SULT6B1: variants seen among roughly 807,000 people sequenced by gnomAD.
The protein encoded by SULT6B1 is sulfotransferase family 6B member 1, also known as sulfotransferase 6B1.
In SULT6B1, 44 loss-of-function variants were observed where a neutral mutation model predicts 37.2. The ratio of observed to expected loss-of-function variants is 1.18; its 90% CI spans 0.93 to 1.52. The LOEUF is 1.52. SULT6B1 is among the 40% of genes most tolerant of loss of function. The pLI, the probability that SULT6B1 is intolerant of heterozygous loss-of-function variation, is 0.00. For synonymous variants in SULT6B1, 140 were observed against 126.0 expected (o/e 1.11, Z -0.74); for missense variants, 450 against 361.0 (o/e 1.25, Z -2.00).
At chr2:37,180,690 C>T (rs1440334574) in intron 3 of SULT6B1, among the ~76,000 whole-genome samples, 1 of 152,142 alleles carries the variant, frequency 6.6e-6, no homozygotes, top group Non-Finnish European at 1.5e-5. Context: ...TCGAGACCAG[C>T]CTGGCCAACA....
At chr2:37,184,945 C>A (rs1315181815) in intron 2 of SULT6B1, among the ~76,000 whole-genome samples, 2 of 152,132 alleles carry the variant, frequency 1.3e-5, no homozygotes, top group Non-Finnish European at 2.9e-5. Flanking sequence ...CAAGCGGTGA[C>A]TAGCAGTGTA....
At chr2:37,169,714 T>G (rs1231285944) in intron 6 of SULT6B1, among the ~76,000 whole-genome samples, 2 of 152,152 alleles carry the variant, frequency 1.3e-5, no homozygotes, top group Non-Finnish European at 2.9e-5. Context: ...AGGCTGGTCT[T>G]GAACTCCTGA....
chr2:37,178,476 T>G (rs1470381900), intron 4 of SULT6B1, among the ~76,000 whole-genome samples: 8 of 152,148 alleles, frequency 5.3e-5, no homozygotes, highest in Admixed American at 5.2e-4. Context: ...CCTCGAGTCA[T>G]CCGCCCGCCT....
chr2:37,173,339 C>G (rs1380901525), intron 5 of SULT6B1, among the ~76,000 whole-genome samples: 2 of 152,132 alleles, frequency 1.3e-5, no homozygotes, highest in Non-Finnish European at 2.9e-5. Flanking sequence ...TCCCCAAACT[C>G]TTTAAATTGG....
At chr2:37,174,671 G>A (rs957796229) in intron 5 of SULT6B1, among the ~76,000 whole-genome samples, 14 of 151,754 alleles carry the variant, frequency 9.2e-5, no homozygotes, top group Admixed American at 5.9e-4. Context: ...TCTCCAACTG[G>A]CATGTAAGTT....
At chr2:37,168,303 C>A (rs1379024185) in intron 6 of SULT6B1, among the ~76,000 whole-genome samples, 2 of 151,974 alleles carry the variant, frequency 1.3e-5, no homozygotes, top group Admixed American at 6.6e-5. Context: ...CTGGGATTAC[C>A]GGCGCCCGCC....
Position 37,187,313 on chromosome 2 carries a change from C to T in SULT6B1, c.312+42G>A, listed in dbSNP as rs1558452053. 2.3e-6 allele frequency: 3 copies of T among 1,287,804 alleles called. No individual in the cohort carries two copies. In the Admixed American group the frequency reaches 5.9e-5, roughly 25 times the overall value. 79.8% of individuals were successfully genotyped at this position (1,287,804 alleles called of 1,614,324 possible). On this transcript the variant is annotated intron_variant, in intron 2 of 6. Transcript: ENST00000535679. ...AATCTCCAAACCGGAAGAAATCTTTCTATGATAATTTGCTGTAAGGTTAAA... is the reference window on the plus strand; with the variant it reads ...AATCTCCAAACCGGAAGAAATCTTTTTATGATAATTTGCTGTAAGGTTAAA...
rs1558455825 is a variant in SULT6B1 at position 37,194,906 on chromosome 2, TTCCTTCCTTCCTTCC to T, written c.-22+1595_-22+1609del. Among the ~76,000 whole-genome samples, 122 of 25,654 alleles carry T rather than the reference TTCCTTCCTTCCTTCC, an allele frequency of 4.8e-3. 2 individuals are homozygous for T. Among genetic ancestry groups the T allele is most frequent in the African/African-American group, 0.021 (116 of 5,494 alleles). 16.8% of individuals were successfully genotyped at this position (25,654 alleles called of 152,430 possible). A position where few individuals can be genotyped will look rare whatever the true frequency, so the allele number is the denominator to read the frequency against. ...CTTCCTTCCTTCCTTCTTTCCTTCC[TTCCTTCCTTCCTTCC>T]TTCCTTCCTTCCTTCCTTCCTTCCT... is the stretch of plus-strand genomic sequence containing the variant. On this transcript the variant is annotated intron_variant, in intron 1 of 7. Transcript: ENST00000407963.
intron 6 of SULT6B1, 27 bp from the exon 7 acceptor site, chr2:37,168,092 C>G (rs763527657): frequency 3.2e-6 from 5 of 1,548,792 alleles, no homozygotes; most frequent in Non-Finnish European, 3.5e-6. Context: ...ACAGTAGACC[C>G]AGATATCTGT....
chr2:37,169,072 C>G (rs1396086743), intron 6 of SULT6B1, among the ~76,000 whole-genome samples: 3 of 152,204 alleles, frequency 2.0e-5, no homozygotes, highest in Admixed American at 6.5e-5. Context: ...AATTTTAATA[C>G]TTTTTCACAT....
chr2:37,191,318 A>C (rs568723086), upstream of SULT6B1: 3 of 151,336 alleles, frequency 2.0e-5, no homozygotes, highest in African/African-American at 7.3e-5. Flanking sequence ...TAGGACCACA[A>C]GGGCAATAAA....
Position 37,177,447 on chromosome 2 carries a change from A to G in SULT6B1, c.529+2011T>C, listed in dbSNP as rs568459206. On this transcript the variant is annotated intron_variant, in intron 4 of 6. Transcript: ENST00000535679. ...AAAAAAAAAAAAGAAAGAAAGAAAA[A>G]AAAGAGAAGAATACAGCATGTTTTC... Among the ~76,000 whole-genome samples, 3 of 136,780 alleles carry G rather than the reference A, an allele frequency of 2.2e-5. No individual in the cohort carries two copies. The East Asian group carries it at 1.2e-3, about 57-fold the overall frequency. 89.7% of individuals were successfully genotyped at this position (136,780 alleles called of 152,430 possible).
intron 5 of SULT6B1, among the ~76,000 whole-genome samples, chr2:37,174,457 C>G (rs547639947): frequency 6.6e-6 from 1 of 152,044 alleles, no homozygotes; most frequent in African/African-American, 2.4e-5. Context: ...CTCAGCCTCT[C>G]AAAGTGTTGG....
chr2:37,178,450 G>C lies in SULT6B1; in HGVS notation c.529+1008C>G, dbSNP rs551471823. 1.8e-3 allele frequency among the ~76,000 whole-genome samples: 274 copies of C among 152,146 alleles called. 2 individuals are homozygous for C. Among genetic ancestry groups the C allele is most frequent in the African/African-American group, 6.3e-3 (263 of 41,490 alleles). On this transcript the variant is annotated intron_variant, in intron 4 of 6. Coordinates refer to ENST00000535679, the MANE Select transcript of SULT6B1 (RefSeq NM_001367551.1). The stretch of plus-strand genomic sequence containing the variant: ...GGGGTTTTGCCATGTTGGCCAGACT[G>C]GTCTCAAACTCCTAACCTCGAGTCA...
In SULT6B1 at chr2:37,168,081, A is replaced by C. The variant is rs1298598819; in HGVS notation, c.782-16T>G. 1.3e-6 allele frequency: 2 copies of C among 1,568,268 alleles called. No homozygotes were observed. The highest frequency in any genetic ancestry group is 4.3e-5 in the Admixed American group (2 of 46,702). On this transcript the variant is annotated splice_polypyrimidine_tract_variant and intron_variant, in intron 6 of 6. Coordinates refer to ENST00000535679, the MANE Select transcript of SULT6B1 (RefSeq NM_001367551.1). ...CCAACTTCACCTACAACACACAAAA[A>C]ACAGTAGACCCAGATATCTGTTAGA...
intron 5 of SULT6B1, among the ~76,000 whole-genome samples, chr2:37,174,787 T>A (rs1676377632): frequency 1.4e-5 from 1 of 70,622 alleles, no homozygotes; most frequent in Non-Finnish European, 2.7e-5. Flanking sequence ...AAACAATTTT[T>A]AAAAAATGAC....
chr2:37,173,226 T>G (rs1014993345), intron 5 of SULT6B1, among the ~76,000 whole-genome samples: 3 of 152,176 alleles, frequency 2.0e-5, no homozygotes, highest in African/African-American at 7.2e-5. Context: ...AAGGAGCACT[T>G]GATACTCCCT....
Position 37,171,550 on chromosome 2 carries a change from C to T in SULT6B1, c.665G>A (p.Gly222Glu). 1 of 1,614,020 alleles carries T rather than the reference C, an allele frequency of 6.2e-7. No homozygotes were observed. The highest frequency in any genetic ancestry group is 8.5e-7 in the Non-Finnish European group (1 of 1,179,980). Reference sequence around the variant, plus strand: ...AATTTGCTCCCCAGTTAGAAAGAATCCCAAGAACTCAGCAATCTGTTTTAT... The same window carrying T: ...AATTTGCTCCCCAGTTAGAAAGAATTCCAAGAACTCAGCAATCTGTTTTAT... ...AGIKQIAEFL[G>E]FFLTGEQIQT... Residue 222 changes from glycine to glutamate, a missense_variant, in exon 6 of 7, where the codon GGA becomes GAA. Physicochemically the swap from Gly to Glu is moderately conservative, Grantham distance 98 (BLOSUM62 -2). Coordinates refer to ENST00000535679, the MANE Select transcript of SULT6B1 (RefSeq NM_001367551.1).
At chr2:37,186,504 C>A (rs1029210664) in intron 2 of SULT6B1, among the ~76,000 whole-genome samples, 2 of 152,154 alleles carry the variant, frequency 1.3e-5, no homozygotes. Context: ...CTGTTATCCC[C>A]TTCACACACA....
Sources: allele counts gnomAD v4.1 joint callset (sites outside exome capture counted in the v4.1 genomes callset), GRCh38; gene constraint gnomAD v4.1.1; transcripts MANE v1.5; gene names NCBI Gene and HGNC (gene_info 2026-07-23, HGNC 2026-07-21).